Variants in PLAGL1 observed in about 807,000 individuals in gnomAD.
PLAGL1 encodes the protein zinc finger protein PLAGL1.
A neutral mutation model predicts 4.6 loss-of-function variants in PLAGL1; 1 was observed. The observed-to-expected ratio is 0.22, with a 90% CI of 0.08 to 1.03. The LOEUF (loss-of-function observed/expected upper bound fraction) is 1.03, where lower values mean the gene tolerates loss of function less well. Among genes scored for constraint, PLAGL1 ranks in the 50% least tolerant of loss-of-function variants. The pLI is 0.58. For synonymous variants in PLAGL1, 240 were observed against 237.8 expected, an observed-to-expected ratio of 1.01 and a Z score of -0.08; for missense variants, 464 against 570.4, an observed-to-expected ratio of 0.81 and a Z score of 1.90.
In PLAGL1 at chr6:143,941,264, T is replaced by C. The variant is rs984777719; in HGVS notation, c.*160A>G. ...GAACACTCAGGACAGATTGGCACAA[T>C]ACATGCAGTTCGAGAATTCTCTTAT... is the stretch of plus-strand genomic sequence containing the variant. On this transcript the variant is annotated 3_prime_UTR_variant, in exon 8 of 8. Coordinates refer to ENST00000674357, the MANE Select transcript of PLAGL1 (RefSeq NM_001317162.2). This position sits in a 1 kb window ranked among gnomAD's most constrained non-coding sequence, Gnocchi z 6.0. The C allele has an allele frequency of 1.6e-5, 9 of 555,134 alleles. No individual in the cohort carries two copies. Among genetic ancestry groups the C allele is most frequent in the Middle Eastern group, 4.7e-4 (1 of 2,136 alleles). 34.4% of individuals were successfully genotyped at this position (555,134 alleles called of 1,614,324 possible). A position where few individuals can be genotyped will look rare whatever the true frequency, so the allele number is the denominator to read the frequency against.
intron 1 of PLAGL1, chr6:144,037,415 C>CAAAAAAAAA (rs34570725): frequency 1.1e-5 from 1 of 88,116 alleles, no homozygotes; most frequent in Non-Finnish European, 2.2e-5. Flanking sequence ...CCATCTCTAC[C>CAAAAAAAAA]AAAAAAAAAA....
rs1271708691 is a variant in PLAGL1 at position 144,015,896 on chromosome 6, A to G, written c.-150-46918T>C. On this transcript the variant is annotated intron_variant, in intron 1 of 3. Coordinates refer to the PLAGL1 transcript ENST00000437412. The surrounding 1 kb of genome is among the most constrained non-coding windows in gnomAD (Gnocchi z 4.3). ...GTCTTAGGTATTTTATCCAAGAGAAATGATAACATGTCTGTGGAAAGACTT... is the reference window on the plus strand; with the variant it reads ...GTCTTAGGTATTTTATCCAAGAGAAGTGATAACATGTCTGTGGAAAGACTT... 6.6e-6 allele frequency among the ~76,000 whole-genome samples: 1 copy of G among 152,202 alleles called. No individual in the cohort carries two copies. The highest frequency in any genetic ancestry group is 1.5e-5 in the Non-Finnish European group (1 of 68,032).
In PLAGL1 at chr6:144,041,702, G is replaced by C. The variant is rs574971990; in HGVS notation, c.-151+22766C>G. Among the ~76,000 whole-genome samples the C allele has an allele frequency of 8.3e-4, 127 of 152,318 alleles. 2 individuals are homozygous for C. The South Asian group carries it at 0.011, about 13-fold the overall frequency. ...TTATAATCCTTTGGGTATATACCCAGTAATGGGATCACTGGGTCAAATGGT... is the reference window on the plus strand; with the variant it reads ...TTATAATCCTTTGGGTATATACCCACTAATGGGATCACTGGGTCAAATGGT... On this transcript the variant is annotated intron_variant, in intron 1 of 3. Transcript: ENST00000437412.
chr6:144,033,716 C>A (rs1264021752), intron 1 of PLAGL1, among the ~76,000 whole-genome samples: 1 of 152,174 alleles, frequency 6.6e-6, no homozygotes, highest in Non-Finnish European at 1.5e-5. Context: ...GGTAACTTAA[C>A]TACATGCCAG....
At chr6:144,018,607 T>C (rs1795731661) in intron 1 of PLAGL1, among the ~76,000 whole-genome samples, 1 of 152,194 alleles carries the variant, frequency 6.6e-6, no homozygotes, top group Non-Finnish European at 1.5e-5. Context: ...CATACAAATA[T>C]AAAAACATGT....
intron 1 of PLAGL1, chr6:144,037,594 A>G (rs79730701): frequency 6.6e-6 from 1 of 151,800 alleles, no homozygotes. Flanking sequence ...CTCCATTTCT[A>G]AAAAAAACAA....
chr6:144,051,045 T>C (rs80133446), intron 1 of PLAGL1, among the ~76,000 whole-genome samples: 5,933 of 152,298 alleles, frequency 0.039, 177 homozygotes, highest in Admixed American at 0.086. Context: ...AGTCAGTACA[T>C]GATATGTAAC....
In PLAGL1 at chr6:144,036,882, G is replaced by T; in HGVS notation, c.-151+27586C>A. On this transcript the variant is annotated intron_variant, in intron 1 of 3. Transcript: ENST00000437412. The surrounding 1 kb of genome is among the most constrained non-coding windows in gnomAD (Gnocchi z 5.1). Reference sequence around the variant, plus strand: ...CCCCTAATGGTTTGTTCTTGGTGTTGGACAAATCATAAAAGGACCAGACAT... The same window carrying T: ...CCCCTAATGGTTTGTTCTTGGTGTTTGACAAATCATAAAAGGACCAGACAT... 1 of 268,744 alleles carries T rather than the reference G, an allele frequency of 3.7e-6. No individual in the cohort carries two copies. The allele number at this position is 268,744 out of a possible 1,614,324, so 16.6% of individuals were successfully genotyped here.
intron 1 of PLAGL1, among the ~76,000 whole-genome samples, chr6:143,996,006 C>T (rs1002309938): frequency 2.0e-4 from 30 of 152,138 alleles, no homozygotes; most frequent in African/African-American, 7.2e-4. Flanking sequence ...AAACCAAAAA[C>T]GGTTTAACCT....
Position 143,952,470 on chromosome 6 carries a change from C to G in PLAGL1, c.-324-4010G>C, listed in dbSNP as rs1415881511. Among the ~76,000 whole-genome samples the G allele has an allele frequency of 6.6e-6, 1 of 151,592 alleles. No individual in the cohort carries two copies. The highest frequency in any genetic ancestry group is 1.5e-5 in the Non-Finnish European group (1 of 67,868). On this transcript the variant is annotated intron_variant, in intron 6 of 7. Transcript: ENST00000674357. The surrounding 1 kb of genome is among the most constrained non-coding windows in gnomAD (Gnocchi z 6.1). ...TTCAGTCCCCTTGATTCTAAAAATA[C>G]TGAGTGATACAGATCTGCCAGTATG...
rs2876578 is a variant in PLAGL1 at position 143,955,188 on chromosome 6, G to A, written c.-325+5281C>T. On this transcript the variant is annotated intron_variant, in intron 6 of 7. Transcript: ENST00000674357. This position sits in a 1 kb window ranked among gnomAD's most constrained non-coding sequence, Gnocchi z 4.9. ...ATCTCTTGCTTGGGAGATCAAGAAAGGTGTCACAGAGAAGTAAAAGTTGAA... is the reference window on the plus strand; with the variant it reads ...ATCTCTTGCTTGGGAGATCAAGAAAAGTGTCACAGAGAAGTAAAAGTTGAA... 0.41 allele frequency among the ~76,000 whole-genome samples: 62,200 copies of A among 152,040 alleles called. 13,795 individuals carry two copies. Among genetic ancestry groups the A allele is most frequent in the African/African-American group, 0.59 (24,407 of 41,426 alleles).
chr6:143,974,277 T>C (rs1433867620), intron 2 of PLAGL1, among the ~76,000 whole-genome samples: 1 of 152,058 alleles, frequency 6.6e-6, no homozygotes, highest in Non-Finnish European at 1.5e-5. Flanking sequence ...GTTTCAAAAT[T>C]GTGAAACCAA....
rs1277294517 is a variant in PLAGL1 at position 144,004,711 on chromosome 6, A to G, written c.-584+3379T>C. ...AGCTACACACTTTTTTTTGTTGTAC[A>G]TAAATTATAGAACTAAAAAACATAT... On this transcript the variant is annotated intron_variant, in intron 1 of 7. Transcript: ENST00000674357. The surrounding 1 kb of genome is among the most constrained non-coding windows in gnomAD (Gnocchi z 4.2). 5.9e-5 allele frequency among the ~76,000 whole-genome samples: 9 copies of G among 152,126 alleles called. No individual in the cohort carries two copies. The highest frequency in any genetic ancestry group is 5.9e-5 in the Non-Finnish European group (4 of 67,998).
rs1786378254 is a variant in PLAGL1 at position 143,975,750 on chromosome 6, G to GT, written c.-543-6773dup. On this transcript the variant is annotated intron_variant, in intron 2 of 7. Transcript: ENST00000674357. This position sits in a 1 kb window ranked among gnomAD's most constrained non-coding sequence, Gnocchi z 5.8. ...AAACAGAAACACTAATTGAAGTGTCGTTTTAAAAGGCTAATTGAGGCAAAT... is the reference window on the plus strand; with the variant it reads ...AAACAGAAACACTAATTGAAGTGTCGTTTTTAAAAGGCTAATTGAGGCAAAT... 1.3e-5 allele frequency among the ~76,000 whole-genome samples: 2 copies of GT among 152,300 alleles called. No homozygotes were observed. Among genetic ancestry groups the GT allele is most frequent in the African/African-American group, 4.8e-5 (2 of 41,574 alleles).
At chr6:144,023,771 T>C (rs75013866) in intron 1 of PLAGL1, among the ~76,000 whole-genome samples, 1 of 136,836 alleles carries the variant, frequency 7.3e-6, no homozygotes, top group East Asian at 2.1e-4. Flanking sequence ...TATTTAGCTT[T>C]TTTTTTTTTT....
rs66982618 is a variant in PLAGL1 at position 143,965,550 on chromosome 6, C to A, written c.-431+608G>T. The A allele has an allele frequency of 0.024, 3,612 of 152,258 alleles. 62 individuals are homozygous for A. The highest frequency in any genetic ancestry group is 0.039 in the Non-Finnish European group (2,666 of 68,038). 9.4% of individuals were successfully genotyped at this position (152,258 alleles called of 1,614,324 possible). On this transcript the variant is annotated intron_variant, in intron 4 of 7. Transcript: ENST00000674357. This position sits in a 1 kb window ranked among gnomAD's most constrained non-coding sequence, Gnocchi z 7.5. Reference sequence around the variant, plus strand: ...TGCCCTGTTGCAGAGGCAGAGATTGCCAAGATGGTCTCCTTGGGGTTTGAG... The same window carrying A: ...TGCCCTGTTGCAGAGGCAGAGATTGACAAGATGGTCTCCTTGGGGTTTGAG...
intron 1 of PLAGL1, among the ~76,000 whole-genome samples, chr6:143,988,366 G>A (rs1040934525): frequency 3.9e-5 from 6 of 152,152 alleles, no homozygotes; most frequent in Admixed American, 2.0e-4. Flanking sequence ...AGCCATGCAC[G>A]AACATCCCAT....
At chr6:144,046,287 C>A (rs1798141867) in intron 1 of PLAGL1, among the ~76,000 whole-genome samples, 1 of 152,196 alleles carries the variant, frequency 6.6e-6, no homozygotes, top group African/African-American at 2.4e-5. Context: ...GAATTTTCAG[C>A]TTTTCTGCTC....
rs1387233123 is a variant in PLAGL1 at position 143,984,961 on chromosome 6, T to C, written c.-544+174A>G. 6.6e-6 allele frequency among the ~76,000 whole-genome samples: 1 copy of C among 152,080 alleles called. No homozygotes were observed. The highest frequency in any genetic ancestry group is 1.5e-5 in the Non-Finnish European group (1 of 68,024). Reference sequence around the variant, plus strand: ...TCAAAAATCATTATCAAAATAACTATTATCTAAGAGTACCAGAAAAAGTGA... The same window carrying C: ...TCAAAAATCATTATCAAAATAACTACTATCTAAGAGTACCAGAAAAAGTGA... On this transcript the variant is annotated intron_variant, in intron 2 of 7. Transcript: ENST00000674357. The surrounding 1 kb of genome is among the most constrained non-coding windows in gnomAD (Gnocchi z 5.5).
Sources: gnomAD v4.1 joint callset for allele counts (sites outside exome capture counted in the v4.1 genomes callset) on GRCh38, gnomAD v4.1.1 for gene constraint, Gnocchi (gnomAD v3.1) non-coding constraint, MANE v1.5 for transcripts, NCBI Gene and HGNC (gene_info 2026-07-23, HGNC 2026-07-21) for gene names.